Variants in CDH12 observed in about 807,000 individuals in gnomAD.
CDH12 encodes cadherin 12, also known as cadherin-12.
CDH12 carries 41 observed loss-of-function variants against 74.1 expected under a neutral mutation model. The ratio of observed to expected loss-of-function variants is 0.55; its 90% CI spans 0.43 to 0.72. The LOEUF is 0.72. CDH12 is among the 30% of genes least tolerant of loss of function. The pLI is 0.00. For missense variants in CDH12, 945 were observed against 977.2 expected (o/e 0.97, Z 0.44); for synonymous variants, 399 against 355.0 (o/e 1.12, Z -1.39).
intron 1 of CDH12, among the ~76,000 whole-genome samples, chr5:22,680,622 A>G (rs1037679645): frequency 2.0e-5 from 3 of 152,060 alleles, no homozygotes; most frequent in Non-Finnish European, 4.4e-5. Flanking sequence ...GAACCAGGTT[A>G]TAGTGTGAGT....
chr5:22,447,942 A>G (rs1162524225), intron 2 of CDH12, among the ~76,000 whole-genome samples: 1 of 145,208 alleles, frequency 6.9e-6, no homozygotes, highest in African/African-American at 2.5e-5. Flanking sequence ...GGAATTCAAG[A>G]CCAACCTGGG....
intron 3 of CDH12, among the ~76,000 whole-genome samples, chr5:22,310,935 C>A (rs574395454): frequency 2.5e-4 from 38 of 152,278 alleles, no homozygotes; most frequent in African/African-American, 8.9e-4. Context: ...TTTTCCTTGG[C>A]AACTCAGGCA....
At chr5:21,986,336 T>A in intron 5 of CDH12, among the ~76,000 whole-genome samples, 1 of 152,206 alleles carries the variant, frequency 6.6e-6, no homozygotes, top group Non-Finnish European at 1.5e-5. Context: ...TGCTTGAATA[T>A]TGCCTTCATG....
At chr5:21,947,866 A>T (rs540667785) in intron 6 of CDH12, among the ~76,000 whole-genome samples, 331 of 152,314 alleles carry the variant, frequency 2.2e-3, no homozygotes, top group Non-Finnish European at 3.6e-3. Context: ...GGGCAACCTC[A>T]GGACTTGGTG....
chr5:22,017,945 G>C (rs1737706555), intron 5 of CDH12, among the ~76,000 whole-genome samples: 1 of 152,004 alleles, frequency 6.6e-6, no homozygotes, highest in African/African-American at 2.4e-5. Context: ...TTTTAGTAGA[G>C]ACAAGATTTC....
intron 10 of CDH12, 107 bp from the exon 11 acceptor site, chr5:21,783,601 C>T (rs372385415): frequency 2.3e-5 from 18 of 771,412 alleles, no homozygotes; most frequent in East Asian, 2.5e-5. Context: ...GTAGCTATTA[C>T]CCACCTTGCA....
chr5:21,945,192 A>G (rs1280439508), intron 6 of CDH12, among the ~76,000 whole-genome samples: 2 of 152,114 alleles, frequency 1.3e-5, no homozygotes, highest in African/African-American at 4.8e-5. Flanking sequence ...TGGGAGGCCA[A>G]GATGGGTGGA....
At chr5:22,814,491 G>A (rs1245571534) in intron 1 of CDH12, among the ~76,000 whole-genome samples, 2 of 151,998 alleles carry the variant, frequency 1.3e-5, no homozygotes, top group Admixed American at 1.3e-4. Context: ...ACATTAATAG[G>A]ACAATTCATA....
chr5:22,028,319 T>C (rs1229944990), intron 5 of CDH12, among the ~76,000 whole-genome samples: 4 of 152,120 alleles, frequency 2.6e-5, no homozygotes, highest in Non-Finnish European at 5.9e-5. Context: ...AGAAGTCAAA[T>C]TGTCCCTGTT....
intron 2 of CDH12, among the ~76,000 whole-genome samples, chr5:22,431,627 G>A (rs1490037665): frequency 6.6e-6 from 1 of 152,224 alleles, no homozygotes; most frequent in Non-Finnish European, 1.5e-5. Context: ...GTTATCATAA[G>A]AGATGACAAC....
intron 2 of CDH12, among the ~76,000 whole-genome samples, chr5:22,416,908 T>A (rs570525247): frequency 6.6e-6 from 1 of 152,294 alleles, no homozygotes; most frequent in Non-Finnish European, 1.5e-5. Flanking sequence ...GCTACAAATT[T>A]AAGATATTTT....
chr5:22,843,314 A>G (rs967698649), intron 1 of CDH12, among the ~76,000 whole-genome samples: 4 of 152,084 alleles, frequency 2.6e-5, no homozygotes, highest in Non-Finnish European at 2.9e-5. Context: ...AAATTCACTA[A>G]GAGTTCCAGA....
chr5:22,162,540 G>T (rs938405205), intron 4 of CDH12, among the ~76,000 whole-genome samples: 8 of 152,178 alleles, frequency 5.3e-5, no homozygotes, highest in African/African-American at 1.9e-4. Flanking sequence ...CCAAAGTGTT[G>T]ACCAGGCAGG....
chr5:21,873,489 A>G (rs897565099), intron 6 of CDH12, among the ~76,000 whole-genome samples: 1 of 152,304 alleles, frequency 6.6e-6, no homozygotes, highest in South Asian at 2.1e-4. Flanking sequence ...CAAGATTGTC[A>G]CAGACCAGAG....
At chr5:22,228,927 G>T (rs1385390489) in intron 3 of CDH12, among the ~76,000 whole-genome samples, 1 of 151,986 alleles carries the variant, frequency 6.6e-6, no homozygotes, top group Non-Finnish European at 1.5e-5. Flanking sequence ...TATTCTAATA[G>T]TTATATTAAT....
intron 4 of CDH12, among the ~76,000 whole-genome samples, chr5:22,108,699 TTAGACA>T (rs939973989): frequency 1.3e-5 from 2 of 152,188 alleles, no homozygotes; most frequent in African/African-American, 4.8e-5. Context: ...AGTTTAACAC[TTAGACA>T]TAGAGTGATT....
chr5:22,789,885 T>C (rs1463860462), intron 1 of CDH12, among the ~76,000 whole-genome samples: 3 of 151,900 alleles, frequency 2.0e-5, no homozygotes, highest in Admixed American at 6.6e-5. Context: ...AAAACAGTTT[T>C]CTTAAGTTAC....
At chr5:22,432,366 C>T (rs151019033) in intron 2 of CDH12, among the ~76,000 whole-genome samples, 62 of 152,166 alleles carry the variant, frequency 4.1e-4, no homozygotes, top group African/African-American at 1.4e-3. Context: ...CCTAAAGATG[C>T]ATCTCTCAGA....
chr5:21,990,122 T>C (rs1757684557), intron 5 of CDH12, among the ~76,000 whole-genome samples: 1 of 152,170 alleles, frequency 6.6e-6, no homozygotes, highest in African/African-American at 2.4e-5. Flanking sequence ...CACAGGGATA[T>C]GAAATTAGAC....
Sources: gnomAD v4.1 joint callset for allele counts (sites outside exome capture counted in the v4.1 genomes callset) on GRCh38, gnomAD v4.1.1 for gene constraint, MANE v1.5 for transcripts, NCBI Gene and HGNC (gene_info 2026-07-23, HGNC 2026-07-21) for gene names.